The following INPP4B variants were observed in gnomAD, a reference collection of about 807,000 sequenced individuals.
INPP4B encodes inositol polyphosphate 4-phosphatase type II.
In INPP4B, 55 loss-of-function variants were observed where a neutral mutation model predicts 122.5. The observed-to-expected ratio is 0.45, with a 90% CI of 0.36 to 0.56. The LOEUF is 0.56. Among genes scored for constraint, INPP4B ranks in the 20% least tolerant of loss-of-function variants. INPP4B has a pLI of 0.00. For synonymous variants in INPP4B, 403 were observed against 388.7 expected (o/e 1.04, Z -0.43); for missense variants, 1,000 against 1,097.7 (o/e 0.91, Z 1.26).
chr4:142,469,763 T>C (rs1265008236), intron 2 of INPP4B, among the ~76,000 whole-genome samples: 1 of 152,118 alleles, frequency 6.6e-6, no homozygotes, highest in Non-Finnish European at 1.5e-5. Context: ...AGGGACAATA[T>C]AATTCCTTCA....
intron 2 of INPP4B, among the ~76,000 whole-genome samples, chr4:142,523,028 C>T (rs1826308790): frequency 6.6e-6 from 1 of 152,024 alleles, no homozygotes; most frequent in Non-Finnish European, 1.5e-5. Context: ...CAAAGGTAAA[C>T]TGGAGCATCG....
At chr4:142,035,408 G>T (rs1743239229) in intron 25 of INPP4B, among the ~76,000 whole-genome samples, 1 of 152,130 alleles carries the variant, frequency 6.6e-6, no homozygotes, top group Admixed American at 6.5e-5. Context: ...ACCTACGTTG[G>T]CACCTTTTAA....
chr4:142,277,569 A>G (rs1037769904), intron 9 of INPP4B, among the ~76,000 whole-genome samples: 1 of 151,822 alleles, frequency 6.6e-6, no homozygotes, highest in Non-Finnish European at 1.5e-5. Context: ...TAAGAAAGAT[A>G]CTTGCACGTG....
At chr4:142,455,718 A>G (rs1815268386) in intron 3 of INPP4B, among the ~76,000 whole-genome samples, 1 of 151,998 alleles carries the variant, frequency 6.6e-6, no homozygotes, top group Non-Finnish European at 1.5e-5. Flanking sequence ...TAGTCTTTTG[A>G]GGAAACACCA....
intron 3 of INPP4B, among the ~76,000 whole-genome samples, chr4:142,460,577 C>G (rs1413620239): frequency 1.3e-5 from 2 of 151,928 alleles, no homozygotes; most frequent in African/African-American, 2.4e-5. Flanking sequence ...TTAGATTCCA[C>G]GTTTGAGACA....
chr4:142,237,236 G>C (rs1857065573), intron 12 of INPP4B, among the ~76,000 whole-genome samples: 1 of 152,020 alleles, frequency 6.6e-6, no homozygotes, highest in Non-Finnish European at 1.5e-5. Context: ...AGTCAAATAG[G>C]AATTACTTCC....
At chr4:142,034,286 G>C (rs1176915554) in intron 25 of INPP4B, among the ~76,000 whole-genome samples, 1 of 152,024 alleles carries the variant, frequency 6.6e-6, no homozygotes, top group Non-Finnish European at 1.5e-5. Context: ...TATAGGAGTG[G>C]GGGTACTGCT....
intron 15 of INPP4B, among the ~76,000 whole-genome samples, chr4:142,188,236 C>T (rs1233017722): frequency 2.0e-5 from 3 of 151,520 alleles, no homozygotes; most frequent in Admixed American, 2.0e-4. Context: ...GCCTGTAATC[C>T]CAACACTTTG....
chr4:142,509,238 T>A (rs1413077664), intron 2 of INPP4B, among the ~76,000 whole-genome samples: 2 of 152,228 alleles, frequency 1.3e-5, no homozygotes, highest in Admixed American at 6.5e-5. Context: ...TTTTAATTTT[T>A]ATTTTTTAAA....
At chr4:142,768,495 G>T (rs1772506446) in intron 1 of INPP4B, among the ~76,000 whole-genome samples, 1 of 152,186 alleles carries the variant, frequency 6.6e-6, no homozygotes, top group Non-Finnish European at 1.5e-5. Flanking sequence ...TCACATAGGA[G>T]TGGCCTCAGG....
chr4:142,089,474 C>G (rs974865301), intron 23 of INPP4B, among the ~76,000 whole-genome samples: 14 of 117,390 alleles, frequency 1.2e-4, no homozygotes, highest in South Asian at 5.6e-4. Context: ...CACACACACA[C>G]ACACACAGAG....
At chr4:142,500,268 G>A (rs755173198) in intron 2 of INPP4B, among the ~76,000 whole-genome samples, 1 of 152,140 alleles carries the variant, frequency 6.6e-6, no homozygotes, top group Non-Finnish European at 1.5e-5. Context: ...TGGGTCTCCT[G>A]AACATCTGTC....
chr4:142,835,242 C>A (rs1415213471), intron 1 of INPP4B, among the ~76,000 whole-genome samples: 1 of 152,162 alleles, frequency 6.6e-6, no homozygotes, highest in Non-Finnish European at 1.5e-5. Context: ...ATTTATCCAT[C>A]TTATCTATAT....
chr4:142,285,970 T>C (rs1753460251), intron 9 of INPP4B, among the ~76,000 whole-genome samples: 1 of 152,216 alleles, frequency 6.6e-6, no homozygotes, highest in Admixed American at 6.5e-5. Flanking sequence ...GTCTTAACTC[T>C]GCATTACTAA....
In INPP4B at chr4:142,027,299, A is replaced by G. The variant is rs996430910; in HGVS notation, c.*1483T>C. The G allele has an allele frequency of 6.6e-6, 1 of 152,208 alleles. No homozygotes were observed. Among genetic ancestry groups the G allele is most frequent in the African/African-American group, 2.4e-5 (1 of 41,460 alleles). The allele number at this position is 152,208 out of a possible 1,614,324, so 9.4% of individuals were successfully genotyped here. The stretch of plus-strand genomic sequence containing the variant: ...ACATGGGGCTAGAATCCTTATTTCA[A>G]CAGGAATCCTAGGCAAGGAGCTATC... On this transcript the variant is annotated 3_prime_UTR_variant, in exon 26 of 26. Transcript: ENST00000262992.
At chr4:142,032,767 T>C (rs1177546666) in intron 25 of INPP4B, among the ~76,000 whole-genome samples, 1 of 152,182 alleles carries the variant, frequency 6.6e-6, no homozygotes, top group Non-Finnish European at 1.5e-5. Context: ...AATAACAACA[T>C]GTATATCATC....
At chr4:142,594,672 G>A (rs896326628) in intron 2 of INPP4B, among the ~76,000 whole-genome samples, 2 of 151,936 alleles carry the variant, frequency 1.3e-5, no homozygotes, top group African/African-American at 4.8e-5. Flanking sequence ...AGGGGAACAT[G>A]AGGCCGGGCA....
At chr4:142,595,994 A>G (rs1382468621) in intron 2 of INPP4B, among the ~76,000 whole-genome samples, 1 of 151,972 alleles carries the variant, frequency 6.6e-6, no homozygotes, top group Non-Finnish European at 1.5e-5. Flanking sequence ...GATTACAGCC[A>G]CACACCACCA....
intron 14 of INPP4B, among the ~76,000 whole-genome samples, chr4:142,194,562 G>A (rs1356191226): frequency 6.6e-6 from 1 of 152,112 alleles, no homozygotes; most frequent in Non-Finnish European, 1.5e-5. Context: ...TAAGAATCCT[G>A]AGGATCACTA....
Sources: gnomAD v4.1 joint callset for allele counts (sites outside exome capture counted in the v4.1 genomes callset) on GRCh38, gnomAD v4.1.1 for gene constraint, MANE v1.5 for transcripts, NCBI Gene and HGNC (gene_info 2026-07-23, HGNC 2026-07-21) for gene names.